RAB38: variants seen among roughly 807,000 people sequenced by gnomAD.
The protein encoded by RAB38 is RAB38, member RAS oncogene family.
A neutral mutation model predicts 18.4 loss-of-function variants in RAB38; 15 were observed. The observed-to-expected ratio is 0.82, with a 90% CI of 0.55 to 1.26. The LOEUF (loss-of-function observed/expected upper bound fraction) is 1.26, where lower values mean the gene tolerates loss of function less well. Among genes scored for constraint, RAB38 ranks in the 50% most tolerant of loss-of-function variants. The probability of loss-of-function intolerance (pLI) is 0.00; values close to 1 mark genes in which losing one functional copy is unlikely to be tolerated. For missense variants in RAB38, 294 were observed against 267.4 expected, an observed-to-expected ratio of 1.10 and a Z score of -0.69; for synonymous variants, 101 against 104.4, an observed-to-expected ratio of 0.97 and a Z score of 0.20.
chr11:87,966,801 G>A, the RAB38 span, among the ~76,000 whole-genome samples: 1 of 152,148 alleles, frequency 6.6e-6, no homozygotes, highest in Non-Finnish European at 1.5e-5. Context: ...TTTCTCTAGG[G>A]TCTGGGAATT....
intron 1 of RAB38, among the ~76,000 whole-genome samples, chr11:88,169,675 G>A (rs1943285498): frequency 6.6e-6 from 1 of 152,200 alleles, no homozygotes; most frequent in South Asian, 2.1e-4. Flanking sequence ...CACTCACAGG[G>A]AATGACTGGT....
chr11:87,947,681 C>T, the RAB38 span, among the ~76,000 whole-genome samples: 1 of 152,106 alleles, frequency 6.6e-6, no homozygotes. Flanking sequence ...TCACGTTTGT[C>T]AAAGATCAGA....
At chr11:88,158,167 C>G (rs915640115) in intron 1 of RAB38, among the ~76,000 whole-genome samples, 32 of 152,172 alleles carry the variant, frequency 2.1e-4, no homozygotes, top group Non-Finnish European at 3.4e-4. Flanking sequence ...TGCAAACACA[C>G]TAGAAAATTT....
the RAB38 span, among the ~76,000 whole-genome samples, chr11:88,068,648 ATAT>A: frequency 6.6e-6 from 1 of 152,226 alleles, no homozygotes; most frequent in African/African-American, 2.4e-5. Context: ...TAAGCATTTT[ATAT>A]TATTAAGAGC....
At chr11:88,028,101 T>G in the RAB38 span, among the ~76,000 whole-genome samples, 6 of 152,210 alleles carry the variant, frequency 3.9e-5, no homozygotes, top group Admixed American at 6.5e-5. Context: ...ACACCGCTGC[T>G]GATACCCACG....
chr11:87,896,745 C>T, the RAB38 span, among the ~76,000 whole-genome samples: 1 of 151,578 alleles, frequency 6.6e-6, no homozygotes, highest in Non-Finnish European at 1.5e-5. Context: ...CGTATTGACC[C>T]TCAATTTCCT....
chr11:87,811,617 C>A, the RAB38 span, among the ~76,000 whole-genome samples: 2 of 152,126 alleles, frequency 1.3e-5, no homozygotes, highest in African/African-American at 4.8e-5. Context: ...CTGCTGCTCT[C>A]AGTTGTACGG....
chr11:88,031,414 A>G, the RAB38 span, among the ~76,000 whole-genome samples: 3 of 151,182 alleles, frequency 2.0e-5, no homozygotes, highest in Non-Finnish European at 4.4e-5. Flanking sequence ...AAGGGTATTC[A>G]ATTAGGAAAA....
At chr11:88,098,784 A>G in the RAB38 span, 1 of 151,926 alleles carries the variant, frequency 6.6e-6, no homozygotes, top group South Asian at 2.1e-4. Context: ...ACCTTGATTT[A>G]TTAGATAATA....
the RAB38 span, among the ~76,000 whole-genome samples, chr11:88,094,950 G>T: frequency 1.5e-4 from 22 of 151,536 alleles, no homozygotes; most frequent in African/African-American, 5.3e-4. Flanking sequence ...GAAAGCAAAA[G>T]CAATACACTG....
At chr11:87,900,549 G>T in the RAB38 span, among the ~76,000 whole-genome samples, 1 of 151,550 alleles carries the variant, frequency 6.6e-6, no homozygotes, top group South Asian at 2.1e-4. Context: ...CTAGACACTT[G>T]TTCCCAAGTT....
the RAB38 span, among the ~76,000 whole-genome samples, chr11:87,961,224 A>C: frequency 6.6e-6 from 1 of 152,098 alleles, no homozygotes; most frequent in Non-Finnish European, 1.5e-5. Context: ...GCCAGAGTAA[A>C]AGCTGAGGAC....
At chr11:88,123,106 T>C (rs909656133) in intron 2 of RAB38, among the ~76,000 whole-genome samples, 1 of 152,214 alleles carries the variant, frequency 6.6e-6, no homozygotes, top group African/African-American at 2.4e-5. Flanking sequence ...GTCTCCTTCT[T>C]CTTCCTTCAG....
the RAB38 span, among the ~76,000 whole-genome samples, chr11:88,103,336 C>T: frequency 6.6e-6 from 1 of 151,924 alleles, no homozygotes; most frequent in Non-Finnish European, 1.5e-5. Context: ...AGTACATTTC[C>T]CAGTTTCTCA....
At chr11:88,117,130 A>T (rs1485679720) in intron 2 of RAB38, among the ~76,000 whole-genome samples, 2 of 152,222 alleles carry the variant, frequency 1.3e-5, no homozygotes, top group Non-Finnish European at 2.9e-5. Context: ...AGGCAGAGCC[A>T]AGGAATGACT....
chr11:87,861,553 G>C, the RAB38 span, among the ~76,000 whole-genome samples: 7,222 of 151,960 alleles, frequency 0.048, 249 homozygotes, highest in Admixed American at 0.097. Flanking sequence ...ACAGTTTTTT[G>C]AGATGCTCAG....
At chr11:88,103,517 C>A in the RAB38 span, among the ~76,000 whole-genome samples, 3,156 of 152,150 alleles carry the variant, frequency 0.021, 109 homozygotes, top group African/African-American at 0.069. Flanking sequence ...CAAGACAAGG[C>A]GTCTAAATAG....
At chr11:88,052,901 C>CATATATAT in the RAB38 span, among the ~76,000 whole-genome samples, 10 of 21,506 alleles carry the variant, frequency 4.6e-4, no homozygotes, top group East Asian at 1.9e-3. Context: ...GAAAAAATTT[C>CATATATAT]ATATATATAT....
the RAB38 span, among the ~76,000 whole-genome samples, chr11:87,939,379 T>TAC: frequency 0.032 from 4,626 of 146,300 alleles, 111 homozygotes; most frequent in African/African-American, 0.067. Context: ...CACACATACA[T>TAC]ACACACACAC....
Sources: gnomAD v4.1 joint callset for allele counts (sites outside exome capture counted in the v4.1 genomes callset) on GRCh38, gnomAD v4.1.1 for gene constraint, MANE v1.5 for transcripts, NCBI Gene and HGNC (gene_info 2026-07-23, HGNC 2026-07-21) for gene names.